TMIGD3: variants seen among roughly 807,000 people sequenced by gnomAD.
TMIGD3 encodes transmembrane and immunoglobulin domain containing 3.
Under a neutral mutation model 28.1 loss-of-function variants are expected in TMIGD3, and 21 were observed. That is an observed-to-expected ratio of 0.75 (90% CI 0.53 to 1.08). TMIGD3 has a LOEUF of 1.08. Among genes scored for constraint, TMIGD3 ranks in the 50% least tolerant of loss-of-function variants. The pLI is 0.00. For missense variants in TMIGD3, 416 were observed against 435.6 expected, an observed-to-expected ratio of 0.96 and a Z score of 0.40; for synonymous variants, 151 against 162.1, an observed-to-expected ratio of 0.93 and a Z score of 0.52.
intron 1 of TMIGD3, chr1:111,500,322 G>A: frequency 6.2e-7 from 1 of 1,614,228 alleles, no homozygotes; most frequent in Non-Finnish European, 8.5e-7. Flanking sequence ...CAAGATAGAT[G>A]GCGCACATGA....
At chr1:111,506,003 C>A (rs1468557525), upstream of TMIGD3, among the ~76,000 whole-genome samples, 5 of 152,158 alleles carry the variant, frequency 3.3e-5, no homozygotes, top group Non-Finnish European at 7.4e-5. Context: ...CTCCCCTGTG[C>A]ACACACTCTT....
chr1:111,533,345 G>A (rs1407989254), intron 1 of TMIGD3, among the ~76,000 whole-genome samples: 1 of 152,082 alleles, frequency 6.6e-6, no homozygotes, highest in Non-Finnish European at 1.5e-5. Flanking sequence ...ATGGTTATCT[G>A]CATTCCTTAA....
intron 1 of TMIGD3, among the ~76,000 whole-genome samples, chr1:111,538,718 C>T (rs1295956517): frequency 6.6e-6 from 1 of 152,162 alleles, no homozygotes; most frequent in African/African-American, 2.4e-5. Flanking sequence ...AGCATGTTTC[C>T]ATCTAAATGC....
intron 1 of TMIGD3, among the ~76,000 whole-genome samples, chr1:111,550,729 A>G (rs930591575): frequency 6.6e-6 from 1 of 152,222 alleles, no homozygotes; most frequent in African/African-American, 2.4e-5. Context: ...TCCTAGGCTC[A>G]AGCAGTCTTC....
intron 1 of TMIGD3, among the ~76,000 whole-genome samples, chr1:111,529,637 C>T (rs1438484719): frequency 1.3e-5 from 2 of 150,404 alleles, no homozygotes; most frequent in Non-Finnish European, 3.0e-5. Context: ...TTAATCCATT[C>T]AACCCTGAGT....
At chr1:111,504,930 C>T (rs1344182020), upstream of TMIGD3, 1 of 985,156 alleles carries the variant, frequency 1.0e-6, no homozygotes, top group African/African-American at 1.7e-5. Flanking sequence ...AAGGGCAGTC[C>T]TCTCCAACTG....
intron 5 of TMIGD3, among the ~76,000 whole-genome samples, chr1:111,484,961 G>A (rs1490499049): frequency 6.6e-6 from 1 of 152,192 alleles, no homozygotes; most frequent in Non-Finnish European, 1.5e-5. Flanking sequence ...GCCACATGCT[G>A]GAGGATTCTC....
chr1:111,494,701 A>G (rs984930539), intron 1 of TMIGD3, among the ~76,000 whole-genome samples: 1 of 152,236 alleles, frequency 6.6e-6, no homozygotes, highest in Non-Finnish European at 1.5e-5. Context: ...AATCCTAAGC[A>G]AAAAGAACCA....
At position 111,490,691 on chromosome 1, in the gene TMIGD3, C is replaced by G; in HGVS notation, c.422G>C (p.Trp141Ser). 6.2e-7 allele frequency: 1 copy of G among 1,614,036 alleles called. No homozygotes were observed. Among genetic ancestry groups the G allele is most frequent in the Non-Finnish European group, 8.5e-7 (1 of 1,179,966 alleles). Residue 141 changes from tryptophan (W) to serine (S), a missense_variant, in exon 2 of 6, where the codon TGG (tryptophan) becomes TCG (serine). Transcript: ENST00000369716. Reference protein sequence around the residue: ...QLKVCFLPVMWLFILLSLALI... With the variant: ...QLKVCFLPVMSLFILLSLALI... ...AGCCAAGGAGAGTAGAATGAAGAGC[C>G]ACATGACTGGAAGGAAGCAAACTTT...
intron 1 of TMIGD3, among the ~76,000 whole-genome samples, chr1:111,562,400 C>A (rs1438361257): frequency 6.6e-6 from 1 of 152,126 alleles, no homozygotes; most frequent in Non-Finnish European, 1.5e-5. Flanking sequence ...AAACTGTTGT[C>A]TGTGTGGTTA....
chr1:111,484,469 T>C (rs1654265070), intron 5 of TMIGD3, among the ~76,000 whole-genome samples: 1 of 152,202 alleles, frequency 6.6e-6, no homozygotes, highest in African/African-American at 2.4e-5. Flanking sequence ...AGACTACAAT[T>C]GTGTCCAGAA....
intron 1 of TMIGD3, among the ~76,000 whole-genome samples, chr1:111,544,655 C>T (rs1264768606): frequency 6.6e-6 from 1 of 152,164 alleles, no homozygotes; most frequent in Non-Finnish European, 1.5e-5. Flanking sequence ...AATAACACTG[C>T]TATGAACATT....
intron 1 of TMIGD3, among the ~76,000 whole-genome samples, chr1:111,532,772 CA>C (rs1352310852): frequency 1.3e-5 from 2 of 152,176 alleles, no homozygotes; most frequent in African/African-American, 4.8e-5. Context: ...TGGCTTGTAC[CA>C]GGAAGGCCCC....
rs147433789 is a variant in TMIGD3 at position 111,536,951 on chromosome 1, T to C, written c.107+26895A>G. On this transcript the variant is annotated intron_variant, in intron 1 of 5. Coordinates refer to the TMIGD3 transcript ENST00000369717. ...TGTCTGGCCAATCTTCCTTCAACAT[T>C]GCACCAGTCATGCCATCAGGAAGTC... Among the ~76,000 whole-genome samples the C allele has an allele frequency of 3.0e-4, 46 of 152,344 alleles. No homozygotes were observed. The East Asian group carries it at 8.5e-3, about 28-fold the overall frequency.
intron 1 of TMIGD3, among the ~76,000 whole-genome samples, chr1:111,547,859 A>T (rs908530077): frequency 6.6e-6 from 1 of 152,134 alleles, no homozygotes. Flanking sequence ...GCTTTGTCTA[A>T]CTCTCTTAAA....
chr1:111,559,858 A>C (rs1657658153), intron 1 of TMIGD3, among the ~76,000 whole-genome samples: 1 of 152,172 alleles, frequency 6.6e-6, no homozygotes, highest in Non-Finnish European at 1.5e-5. Flanking sequence ...CTGTGAAATC[A>C]AAGATGCAGC....
At chr1:111,506,301 C>T (rs1018709418), upstream of TMIGD3, among the ~76,000 whole-genome samples, 1 of 152,212 alleles carries the variant, frequency 6.6e-6, no homozygotes, top group African/African-American at 2.4e-5. Flanking sequence ...TTCAGTGAAT[C>T]AGGTGGCATA....
upstream of TMIGD3, chr1:111,505,061 T>C (rs1655434943): frequency 1.0e-6 from 1 of 983,908 alleles, no homozygotes; most frequent in Admixed American, 6.2e-5. Context: ...TGTAATTGTT[T>C]TCTTTATCTG....
intron 3 of TMIGD3, among the ~76,000 whole-genome samples, chr1:111,488,465 C>A (rs976350701): frequency 6.6e-6 from 1 of 152,224 alleles, no homozygotes; most frequent in Non-Finnish European, 1.5e-5. Context: ...TGCCCCAGGG[C>A]GCAGACACCC....
Sources: allele counts gnomAD v4.1 joint callset (sites outside exome capture counted in the v4.1 genomes callset), GRCh38; gene constraint gnomAD v4.1.1; transcripts MANE v1.5; gene names NCBI Gene and HGNC (gene_info 2026-07-23, HGNC 2026-07-21).